Variants in CMSS1 observed in about 807,000 individuals in gnomAD.
The protein encoded by CMSS1 is cms1 ribosomal small subunit homolog, also known as protein CMSS1.
CMSS1 carries 33 observed loss-of-function variants against 43.5 expected under a neutral mutation model. That is an observed-to-expected ratio of 0.76 (90% CI 0.57 to 1.01). The LOEUF (loss-of-function observed/expected upper bound fraction) is 1.01. Among genes scored for constraint, CMSS1 ranks in the 50% least tolerant of loss-of-function variants. The pLI is 0.00. For synonymous variants in CMSS1, 115 were observed against 117.2 expected, an observed-to-expected ratio of 0.98 and a Z score of 0.12; for missense variants, 313 against 326.4, an observed-to-expected ratio of 0.96 and a Z score of 0.32.
intron 1 of CMSS1, among the ~76,000 whole-genome samples, chr3:99,934,447 T>C (rs937840835): frequency 3.9e-5 from 6 of 152,206 alleles, no homozygotes; most frequent in African/African-American, 1.4e-4. Flanking sequence ...TCATTTTACA[T>C]GATGAATTCC....
intron 1 of CMSS1, among the ~76,000 whole-genome samples, chr3:99,897,290 C>G (rs547700084): frequency 2.6e-5 from 4 of 152,102 alleles, no homozygotes; most frequent in African/African-American, 4.8e-5. Context: ...ACCCAGGAGG[C>G]CTCCGCGGGA....
At chr3:100,171,804 G>C in intron 6 of CMSS1, 35 bp from the exon 7 acceptor site, 1 of 1,596,488 alleles carries the variant, frequency 6.3e-7, no homozygotes, top group East Asian at 2.2e-5. Flanking sequence ...GAATGAGTTG[G>C]TTTTCTTAAG....
chr3:99,821,864 G>A (rs1387159485), intron 1 of CMSS1, among the ~76,000 whole-genome samples: 1 of 152,094 alleles, frequency 6.6e-6, no homozygotes, highest in Non-Finnish European at 1.5e-5. Context: ...TGGCCAACAT[G>A]GAGAAAACCT....
chr3:100,064,353 C>G (rs1299535737), intron 1 of CMSS1, among the ~76,000 whole-genome samples: 1 of 152,090 alleles, frequency 6.6e-6, no homozygotes, highest in East Asian at 1.9e-4. Context: ...GCTCCCCAGT[C>G]CCACGGCCTC....
At chr3:99,880,403 A>G (rs1332418560) in intron 1 of CMSS1, among the ~76,000 whole-genome samples, 1 of 152,196 alleles carries the variant, frequency 6.6e-6, no homozygotes, top group African/African-American at 2.4e-5. Flanking sequence ...TATGAACTGC[A>G]GGTCTATATA....
intron 1 of CMSS1, among the ~76,000 whole-genome samples, chr3:99,924,965 G>A (rs1707245077): frequency 6.6e-6 from 1 of 152,122 alleles, no homozygotes; most frequent in Non-Finnish European, 1.5e-5. Context: ...GGTATCAACT[G>A]TTTCCACATA....
At chr3:99,965,449 C>A (rs1318327846) in intron 1 of CMSS1, among the ~76,000 whole-genome samples, 1 of 152,206 alleles carries the variant, frequency 6.6e-6, no homozygotes, top group African/African-American at 2.4e-5. Flanking sequence ...AAGGTCATGA[C>A]TGATTTTCCA....
intron 1 of CMSS1, among the ~76,000 whole-genome samples, chr3:99,987,904 G>A (rs992695833): frequency 6.6e-6 from 1 of 152,178 alleles, no homozygotes; most frequent in African/African-American, 2.4e-5. Context: ...GAACAGAGCT[G>A]CCAGTCTCTC....
At chr3:99,959,986 GC>G (rs752877824) in intron 1 of CMSS1, among the ~76,000 whole-genome samples, 10 of 152,104 alleles carry the variant, frequency 6.6e-5, no homozygotes, top group Non-Finnish European at 1.3e-4. Context: ...TGGGAGTTAG[GC>G]CTAGCTGTTC....
chr3:100,128,964 C>G (rs1298541300), intron 1 of CMSS1, among the ~76,000 whole-genome samples: 1 of 152,080 alleles, frequency 6.6e-6, no homozygotes, highest in South Asian at 2.1e-4. Context: ...TAAAATTGGC[C>G]TTTTTTTCTT....
At chr3:99,853,656 C>T (rs1943815196) in intron 1 of CMSS1, among the ~76,000 whole-genome samples, 1 of 152,180 alleles carries the variant, frequency 6.6e-6, no homozygotes, top group Non-Finnish European at 1.5e-5. Context: ...GCATCTTTTT[C>T]ATGGTTTTTG....
chr3:100,100,574 G>C (rs190131886), intron 1 of CMSS1, among the ~76,000 whole-genome samples: 79 of 152,270 alleles, frequency 5.2e-4, no homozygotes, highest in African/African-American at 1.7e-3. Flanking sequence ...GAGAGATTCA[G>C]AGCACACCAT....
intron 1 of CMSS1, among the ~76,000 whole-genome samples, chr3:99,932,379 G>T (rs1413513360): frequency 4.0e-5 from 6 of 151,608 alleles, no homozygotes; most frequent in African/African-American, 1.5e-4. Context: ...ATATTTTTGA[G>T]ATTCTTCCTT....
chr3:99,915,195 C>T (rs983454888), intron 1 of CMSS1, among the ~76,000 whole-genome samples: 11 of 152,076 alleles, frequency 7.2e-5, no homozygotes, highest in Non-Finnish European at 1.3e-4. Context: ...CCATGCTAAC[C>T]GAAGGGAATG....
At chr3:100,061,118 C>T (rs1028907670) in intron 1 of CMSS1, among the ~76,000 whole-genome samples, 2 of 150,580 alleles carry the variant, frequency 1.3e-5, no homozygotes, top group Admixed American at 6.6e-5. Context: ...CTAATCAAGG[C>T]AGAAAGGCAC....
chr3:99,982,182 G>GTT (rs962460050), intron 1 of CMSS1, among the ~76,000 whole-genome samples: 1 of 151,672 alleles, frequency 6.6e-6, no homozygotes, highest in Non-Finnish European at 1.5e-5. Flanking sequence ...TTTAGTATAT[G>GTT]TTTTTTTAAT....
At chr3:99,843,332 C>T (rs553388651) in intron 1 of CMSS1, among the ~76,000 whole-genome samples, 15 of 152,246 alleles carry the variant, frequency 9.9e-5, no homozygotes, top group African/African-American at 2.9e-4. Context: ...GTTATAAAAC[C>T]GGGAATCTTC....
At chr3:99,849,299 G>A in intron 1 of CMSS1, 2 of 1,614,102 alleles carry the variant, frequency 1.2e-6, no homozygotes, top group Non-Finnish European at 1.7e-6. Flanking sequence ...AATACTTGAG[G>A]ATCGGAAATT....
chr3:99,930,755 C>T (rs770660312), intron 1 of CMSS1: 51 of 1,612,464 alleles, frequency 3.2e-5, no homozygotes, highest in Non-Finnish European at 4.1e-5. Context: ...GGGGATAACT[C>T]CAACCCAGCT....
Sources: gnomAD v4.1 joint callset for allele counts (sites outside exome capture counted in the v4.1 genomes callset) on GRCh38, gnomAD v4.1.1 for gene constraint, MANE v1.5 for transcripts, NCBI Gene and HGNC (gene_info 2026-07-23, HGNC 2026-07-21) for gene names.